AP4S1: variants seen among roughly 807,000 people sequenced by gnomAD.
AP4S1 encodes adaptor related protein complex 4 subunit sigma 1, also known as AP-4 complex subunit sigma-1.
In AP4S1, 23 loss-of-function variants were observed where a neutral mutation model predicts 19.8. The ratio of observed to expected loss-of-function variants is 1.16; its 90% CI spans 0.84 to 1.65. The LOEUF (loss-of-function observed/expected upper bound fraction) is 1.65. Among genes scored for constraint, AP4S1 ranks in the 40% most tolerant of loss-of-function variants. The probability of loss-of-function intolerance (pLI) is 0.00; values close to 1 mark genes in which losing one functional copy is unlikely to be tolerated. For missense variants in AP4S1, 166 were observed against 172.8 expected, an observed-to-expected ratio of 0.96 and a Z score of 0.22; for synonymous variants, 46 against 54.1, an observed-to-expected ratio of 0.85 and a Z score of 0.66.
At chr14:31,081,732 TTATGTGTGTGTGTG>T (rs1249014029) in intron 5 of AP4S1, among the ~76,000 whole-genome samples, 1 of 151,746 alleles carries the variant, frequency 6.6e-6, no homozygotes, top group East Asian at 1.9e-4. Flanking sequence ...ATACATGTAT[TTATGTGTGTGTGTG>T]TATGTGTGTG....
intron 5 of AP4S1, among the ~76,000 whole-genome samples, chr14:31,090,747 A>ATGGTTG (rs1888055227): frequency 6.6e-6 from 1 of 152,252 alleles, no homozygotes; most frequent in Non-Finnish European, 1.5e-5. Flanking sequence ...CAGGGTGTAC[A>ATGGTTG]AGTTGCTCAT....
At chr14:31,060,000 T>C (rs1886340048) in intron 1 of AP4S1, among the ~76,000 whole-genome samples, 1 of 95,698 alleles carries the variant, frequency 1.0e-5, no homozygotes, top group African/African-American at 4.6e-5. Context: ...TATATTTATA[T>C]GTATTTATGT....
intron 4 of AP4S1, among the ~76,000 whole-genome samples, chr14:31,077,743 T>TC (rs1460946795): frequency 1.3e-5 from 2 of 149,982 alleles, no homozygotes; most frequent in Non-Finnish European, 3.0e-5. Context: ...TTTTTTCTTT[T>TC]TTTTTTTTTT....
intron 1 of AP4S1, among the ~76,000 whole-genome samples, chr14:31,032,425 GTCT>G (rs1205374223): frequency 1.3e-5 from 2 of 151,970 alleles, no homozygotes; most frequent in African/African-American, 4.8e-5. Context: ...AAACTCAAAT[GTCT>G]TCTTATCAGT....
chr14:31,048,210 C>T (rs758490709), intron 1 of AP4S1, among the ~76,000 whole-genome samples: 6 of 151,324 alleles, frequency 4.0e-5, no homozygotes, highest in Non-Finnish European at 5.9e-5. Context: ...TCTCTTGCCT[C>T]GGCCTCCCAA....
chr14:31,073,455 A>G (rs1464130559), intron 4 of AP4S1, among the ~76,000 whole-genome samples: 9 of 142,690 alleles, frequency 6.3e-5, no homozygotes, highest in Non-Finnish European at 1.2e-4. Context: ...CCGCCACTGC[A>G]CTCCAGCCTG....
At chr14:31,032,523 AT>A (rs775316642) in intron 1 of AP4S1, among the ~76,000 whole-genome samples, 2,802 of 138,834 alleles carry the variant, frequency 0.02, 70 homozygotes, top group African/African-American at 0.067. Context: ...CAGAATGTAC[AT>A]TTTTTTTTTT....
In AP4S1 at chr14:31,052,269, C is replaced by CG. The variant is rs570384446; in HGVS notation, c.-71-13853dup. 2.0e-5 allele frequency among the ~76,000 whole-genome samples: 3 copies of CG among 151,372 alleles called. No individual in the cohort carries two copies. In the East Asian group the frequency reaches 5.8e-4, roughly 29 times the overall value. On this transcript the variant is annotated intron_variant, in intron 1 of 5. Coordinates refer to ENST00000542754, the MANE Select transcript of AP4S1 (RefSeq NM_001128126.3). The stretch of plus-strand genomic sequence containing the variant: ...CTTTGGTGATAGAGTGAGACCCTCT[C>CG]GGGGAAAAAAAAGACATGAAGTTGG...
intron 4 of AP4S1, among the ~76,000 whole-genome samples, chr14:31,074,224 G>C (rs1424514889): frequency 6.6e-6 from 1 of 151,924 alleles, no homozygotes; most frequent in Non-Finnish European, 1.5e-5. Context: ...TCCTCGGAAG[G>C]CTGAGGCAGA....
At chr14:31,085,785 A>G in intron 5 of AP4S1, 1 of 971,648 alleles carries the variant, frequency 1.0e-6, no homozygotes, top group Non-Finnish European at 1.2e-6. Flanking sequence ...AAATAAAAAT[A>G]AAAACATCTT....
At chr14:31,029,055 A>G (rs543171911) in intron 1 of AP4S1, among the ~76,000 whole-genome samples, 127 of 152,178 alleles carry the variant, frequency 8.3e-4, no homozygotes, top group African/African-American at 3.0e-3. Flanking sequence ...CAAAATCTCT[A>G]CTTCTATTAT....
intron 5 of AP4S1, among the ~76,000 whole-genome samples, chr14:31,092,082 C>T (rs779015570): frequency 6.6e-6 from 1 of 152,188 alleles, no homozygotes; most frequent in Non-Finnish European, 1.5e-5. Flanking sequence ...ATGCCCCATA[C>T]TAACTTCCCA....
chr14:31,066,792 GT>G (rs1442947752), intron 2 of AP4S1, among the ~76,000 whole-genome samples: 4 of 152,090 alleles, frequency 2.6e-5, no homozygotes, highest in African/African-American at 9.7e-5. Flanking sequence ...CTCAAATCGG[GT>G]GGTTTTATTC....
Position 31,092,876 on chromosome 14 carries a change from CTTTAAACT to C in AP4S1, c.307-30_307-23del, listed in dbSNP as rs202188974. 6,504 of 1,461,384 alleles carry C rather than the reference CTTTAAACT, an allele frequency of 4.5e-3. 241 individuals are homozygous for C. The African/African-American group carries it at 0.08, about 18-fold the overall frequency. 90.5% of individuals were successfully genotyped at this position (1,461,384 alleles called of 1,614,324 possible). ...TTTACTGAATGTTAATAATTTTTAA[CTTTAAACT>C]AATTTCCTTAATATAACCGTAGATA... is the stretch of plus-strand genomic sequence containing the variant. On this transcript the variant is annotated intron_variant, in intron 5 of 5. Coordinates refer to ENST00000542754, the MANE Select transcript of AP4S1 (RefSeq NM_001128126.3).
intron 5 of AP4S1, among the ~76,000 whole-genome samples, chr14:31,087,257 A>G (rs1049084660): frequency 6.6e-6 from 1 of 152,170 alleles, no homozygotes; most frequent in African/African-American, 2.4e-5. Context: ...GTCCCAATCC[A>G]TAGAGCTACT....
chr14:31,070,900 A>G lies in AP4S1; in HGVS notation c.225+971A>G, dbSNP rs186230215. ...ACCCCGTCTCTACTAAAAATACAAA[A>G]AATTAGCTGGGCGTGGTGGCGGGCG... On this transcript the variant is annotated intron_variant, in intron 3 of 5. Transcript: ENST00000542754. Among the ~76,000 whole-genome samples the G allele has an allele frequency of 1.7e-3, 261 of 152,218 alleles. 1 individual carries two copies. The highest frequency in any genetic ancestry group is 6.0e-3 in the African/African-American group (250 of 41,554).
chr14:31,032,523 A>AT lies in AP4S1; in HGVS notation c.-72+6751dup, dbSNP rs775316642. On this transcript the variant is annotated intron_variant, in intron 1 of 5. Transcript: ENST00000542754. ...CTGTAATTACTCACCCAGAATGTACATTTTTTTTTTTTTTTGAGATGAAGT... is the reference window on the plus strand; with the variant it reads ...CTGTAATTACTCACCCAGAATGTACATTTTTTTTTTTTTTTTGAGATGAAGT... Among the ~76,000 whole-genome samples the AT allele has an allele frequency of 1.5e-3, 214 of 138,958 alleles. 2 individuals carry two copies. Among genetic ancestry groups the AT allele is most frequent in the Middle Eastern group, 3.7e-3 (1 of 272 alleles). 91.2% of individuals were successfully genotyped at this position (138,958 alleles called of 152,430 possible).
chr14:31,053,597 T>TC, intron 1 of AP4S1, among the ~76,000 whole-genome samples: 1 of 115,802 alleles, frequency 8.6e-6, no homozygotes, highest in African/African-American at 3.2e-5. Context: ...TTCTTTTTTT[T>TC]TTTTTTTTTT....
intron 5 of AP4S1, among the ~76,000 whole-genome samples, chr14:31,086,885 G>T (rs1294193931): frequency 6.6e-6 from 1 of 151,494 alleles, no homozygotes; most frequent in Non-Finnish European, 1.5e-5. Context: ...TACAGTCAGG[G>T]TCTTGCTCTG....
Sources: allele counts gnomAD v4.1 joint callset (sites outside exome capture counted in the v4.1 genomes callset), GRCh38; gene constraint gnomAD v4.1.1; transcripts MANE v1.5; gene names NCBI Gene and HGNC (gene_info 2026-07-23, HGNC 2026-07-21).